Variants in MTUS2 observed in about 807,000 individuals in gnomAD.
MTUS2 encodes microtubule associated scaffold protein 2, also known as microtubule-associated tumor suppressor candidate 2.
A neutral mutation model predicts 114.1 loss-of-function variants in MTUS2; 40 were observed. The ratio of observed to expected loss-of-function variants is 0.35; its 90% CI spans 0.27 to 0.46. The LOEUF is 0.46. Ranked by LOEUF, MTUS2 falls within the 20% of genes least tolerant of loss-of-function variation. The probability of loss-of-function intolerance (pLI) is 1.00; values close to 1 mark genes in which losing one functional copy is unlikely to be tolerated. For missense variants in MTUS2, 1,679 were observed against 1,705.4 expected (o/e 0.98, Z 0.27); for synonymous variants, 688 against 672.0 (o/e 1.02, Z -0.37).
At chr13:29,300,581 A>G (rs1385962693) in intron 6 of MTUS2, among the ~76,000 whole-genome samples, 2 of 151,708 alleles carry the variant, frequency 1.3e-5, no homozygotes, top group African/African-American at 4.9e-5. Flanking sequence ...TTTTAATTAC[A>G]TGTCACTGTT....
intron 8 of MTUS2, among the ~76,000 whole-genome samples, chr13:29,391,523 C>G (rs2138439978): frequency 6.7e-6 from 1 of 149,132 alleles, no homozygotes; most frequent in East Asian, 2.0e-4. Context: ...AGGTCTGATT[C>G]TTTATTCCAC....
chr13:29,464,589 G>A (rs1879754312), intron 9 of MTUS2, among the ~76,000 whole-genome samples: 1 of 152,196 alleles, frequency 6.6e-6, no homozygotes, highest in Non-Finnish European at 1.5e-5. Context: ...GGAGACCTAG[G>A]GCCTTGTGAT....
intron 4 of MTUS2, among the ~76,000 whole-genome samples, chr13:29,050,596 C>G (rs1887847366): frequency 6.6e-6 from 1 of 152,184 alleles, no homozygotes; most frequent in Non-Finnish European, 1.5e-5. Context: ...TCATCTTACC[C>G]CCCTCTTCAC....
chr13:29,323,626 G>T (rs1008642391), intron 6 of MTUS2, among the ~76,000 whole-genome samples: 3 of 152,090 alleles, frequency 2.0e-5, no homozygotes, highest in Non-Finnish European at 4.4e-5. Flanking sequence ...TAGGTAAAAA[G>T]AAATTGCAAT....
chr13:28,984,932 T>G (rs1266509547), intron 2 of MTUS2, among the ~76,000 whole-genome samples: 2 of 152,244 alleles, frequency 1.3e-5, no homozygotes, highest in Non-Finnish European at 2.9e-5. Context: ...ACCTCACAGC[T>G]TTTAGATCTT....
chr13:29,079,705 A>C (rs1294565699), intron 4 of MTUS2, among the ~76,000 whole-genome samples: 1 of 152,188 alleles, frequency 6.6e-6, no homozygotes, highest in East Asian at 1.9e-4. Context: ...AGTTCACCAC[A>C]AATATTGGGT....
chr13:29,282,272 G>A (rs1306400104), intron 6 of MTUS2, among the ~76,000 whole-genome samples: 1 of 152,214 alleles, frequency 6.6e-6, no homozygotes, highest in East Asian at 1.9e-4. Context: ...GTCCAGGAGT[G>A]CCATGCTCCT....
At chr13:29,219,960 T>C (rs1393573912) in intron 5 of MTUS2, among the ~76,000 whole-genome samples, 1 of 152,190 alleles carries the variant, frequency 6.6e-6, no homozygotes, top group East Asian at 1.9e-4. Flanking sequence ...TAAAGCTGTT[T>C]TACTTTCTTA....
chr13:28,861,237 A>G (rs1180085231), intron 2 of MTUS2, among the ~76,000 whole-genome samples: 2 of 152,224 alleles, frequency 1.3e-5, no homozygotes, highest in Admixed American at 6.5e-5. Flanking sequence ...GTGAGAGTAT[A>G]TAGATTAATT....
At chr13:29,355,285 C>A (rs1025017393) in intron 7 of MTUS2, among the ~76,000 whole-genome samples, 1 of 152,238 alleles carries the variant, frequency 6.6e-6, no homozygotes, top group African/African-American at 2.4e-5. Flanking sequence ...AGGTCACCAG[C>A]TTCTCCCTGG....
chr13:29,375,102 G>A (rs1471384178), intron 8 of MTUS2, among the ~76,000 whole-genome samples: 3 of 152,142 alleles, frequency 2.0e-5, no homozygotes, highest in African/African-American at 7.2e-5. Context: ...TTTTAGATTG[G>A]TGCAAAAGTA....
chr13:29,168,474 T>A (rs1390993939), intron 5 of MTUS2, among the ~76,000 whole-genome samples: 1 of 152,214 alleles, frequency 6.6e-6, no homozygotes, highest in East Asian at 1.9e-4. Context: ...GGAAGAGAAC[T>A]GCCATTGACT....
intron 9 of MTUS2, among the ~76,000 whole-genome samples, chr13:29,468,725 G>T (rs1447619534): frequency 6.6e-6 from 1 of 152,000 alleles, no homozygotes; most frequent in Admixed American, 6.6e-5. Context: ...TAAATCAGGG[G>T]GAAAATGCCT....
chr13:29,341,287 T>A (rs1294959509), intron 7 of MTUS2, among the ~76,000 whole-genome samples: 1 of 152,206 alleles, frequency 6.6e-6, no homozygotes, highest in African/African-American at 2.4e-5. Context: ...AAGTGTTCCC[T>A]TTTCACAACA....
chr13:29,411,343 G>T (rs969587861), intron 8 of MTUS2, among the ~76,000 whole-genome samples: 1 of 152,120 alleles, frequency 6.6e-6, no homozygotes, highest in Non-Finnish European at 1.5e-5. Flanking sequence ...TTGTCTCAGC[G>T]ATTTAAGATG....
intron 5 of MTUS2, among the ~76,000 whole-genome samples, chr13:29,260,765 A>G (rs1897441583): frequency 6.6e-6 from 1 of 152,210 alleles, no homozygotes; most frequent in African/African-American, 2.4e-5. Flanking sequence ...CAGCTAGAGC[A>G]GTGGTTCTTA....
At chr13:29,256,021 G>A (rs1354896688) in intron 5 of MTUS2, among the ~76,000 whole-genome samples, 1 of 152,196 alleles carries the variant, frequency 6.6e-6, no homozygotes, top group East Asian at 1.9e-4. Context: ...CTATGTAGGT[G>A]CTTAATAAAA....
intron 5 of MTUS2, among the ~76,000 whole-genome samples, chr13:29,245,075 G>A (rs77877207): frequency 0.015 from 2,321 of 151,938 alleles, 54 homozygotes; most frequent in African/African-American, 0.054. Flanking sequence ...CCTATAAAGG[G>A]TTAAGTTTGA....
intron 4 of MTUS2, among the ~76,000 whole-genome samples, chr13:29,035,490 C>T (rs976164257): frequency 1.3e-5 from 2 of 152,148 alleles, no homozygotes; most frequent in African/African-American, 2.4e-5. Context: ...GTCACTTGGC[C>T]GATTGCAGGC....
Sources: gnomAD v4.1 joint callset for allele counts (sites outside exome capture counted in the v4.1 genomes callset) on GRCh38, gnomAD v4.1.1 for gene constraint, MANE v1.5 for transcripts, NCBI Gene and HGNC (gene_info 2026-07-23, HGNC 2026-07-21) for gene names.